The following SNTG1 variants were observed in gnomAD, a reference collection of about 807,000 sequenced individuals.
SNTG1 encodes syntrophin gamma 1.
SNTG1 carries 39 observed loss-of-function variants against 74.7 expected under a neutral mutation model. The ratio of observed to expected loss-of-function variants is 0.52; its 90% CI spans 0.40 to 0.68. The LOEUF (loss-of-function observed/expected upper bound fraction) is 0.68. SNTG1 is among the 30% of genes least tolerant of loss of function. SNTG1 has a pLI of 0.00. For missense variants in SNTG1, 685 were observed against 609.5 expected, an observed-to-expected ratio of 1.12 and a Z score of -1.30; for synonymous variants, 254 against 217.1, an observed-to-expected ratio of 1.17 and a Z score of -1.49.
chr8:50,375,316 G>A (rs2092355890), intron 2 of SNTG1, among the ~76,000 whole-genome samples: 1 of 152,028 alleles, frequency 6.6e-6, no homozygotes, highest in African/African-American at 2.4e-5. Context: ...GGTGTGCTGG[G>A]GCAATGGGAC....
chr8:50,728,858 C>T (rs2095506218), intron 17 of SNTG1, among the ~76,000 whole-genome samples: 1 of 152,154 alleles, frequency 6.6e-6, no homozygotes, highest in African/African-American at 2.4e-5. Context: ...GTCCATGAAT[C>T]ACCCATATTC....
At chr8:50,418,643 A>G (rs775630237) in intron 4 of SNTG1, among the ~76,000 whole-genome samples, 2 of 152,144 alleles carry the variant, frequency 1.3e-5, no homozygotes, top group Non-Finnish European at 2.9e-5. Context: ...TTGGAGGTCC[A>G]GTAGGCATTT....
intron 1 of SNTG1, among the ~76,000 whole-genome samples, chr8:50,052,793 A>G (rs768065624): frequency 8.5e-5 from 13 of 152,150 alleles, no homozygotes; most frequent in Non-Finnish European, 1.5e-4. Flanking sequence ...ACACATATGC[A>G]CCATATGCAA....
chr8:50,322,064 CTTATTAACATCTTT>C (rs1380083231), intron 2 of SNTG1, among the ~76,000 whole-genome samples: 1 of 151,776 alleles, frequency 6.6e-6, no homozygotes, highest in Non-Finnish European at 1.5e-5. Flanking sequence ...TTTTTTATTG[CTTATTAACATCTTT>C]TTTTTCAGAT....
At chr8:50,067,726 C>T (rs1020959600) in intron 1 of SNTG1, among the ~76,000 whole-genome samples, 2 of 152,100 alleles carry the variant, frequency 1.3e-5, no homozygotes, top group Admixed American at 1.3e-4. Context: ...GTTGCCTTGG[C>T]TGATGTCTTC....
intron 2 of SNTG1, among the ~76,000 whole-genome samples, chr8:50,326,814 A>G (rs2090768430): frequency 6.6e-6 from 1 of 151,954 alleles, no homozygotes; most frequent in African/African-American, 2.4e-5. Context: ...TTGTTCTGCA[A>G]ATGCAGTATA....
chr8:50,660,251 A>G (rs1036003325), intron 15 of SNTG1, among the ~76,000 whole-genome samples: 4 of 144,518 alleles, frequency 2.8e-5, no homozygotes, highest in African/African-American at 1.0e-4. Flanking sequence ...GGAAGGAAAG[A>G]AGGAGGGAAG....
chr8:50,133,524 T>C (rs746653226), intron 1 of SNTG1, among the ~76,000 whole-genome samples: 1 of 152,192 alleles, frequency 6.6e-6, no homozygotes, highest in Non-Finnish European at 1.5e-5. Flanking sequence ...GAGACATTTA[T>C]TTTCTCAAAG....
At chr8:50,077,022 A>C (rs1821955037) in intron 1 of SNTG1, among the ~76,000 whole-genome samples, 1 of 152,184 alleles carries the variant, frequency 6.6e-6, no homozygotes, top group Non-Finnish European at 1.5e-5. Context: ...GCAAAGAAAC[A>C]TCAAAATTAG....
intron 4 of SNTG1, among the ~76,000 whole-genome samples, chr8:50,432,576 T>G (rs2093250209): frequency 6.6e-6 from 1 of 152,116 alleles, no homozygotes; most frequent in African/African-American, 2.4e-5. Context: ...TTATTGGAAT[T>G]GCATAGATTT....
intron 12 of SNTG1, among the ~76,000 whole-genome samples, chr8:50,553,867 C>T (rs940197868): frequency 3.9e-5 from 6 of 152,130 alleles, no homozygotes; most frequent in African/African-American, 1.4e-4. Flanking sequence ...ATCTAGGTAT[C>T]ATTAATGATA....
At chr8:50,491,778 G>T (rs1017620782) in intron 8 of SNTG1, among the ~76,000 whole-genome samples, 3 of 151,924 alleles carry the variant, frequency 2.0e-5, no homozygotes, top group Non-Finnish European at 4.4e-5. Context: ...GTGCAGGTTT[G>T]TTACATAGGT....
In SNTG1 at chr8:50,214,056, G is replaced by A. The variant is rs192683624; in HGVS notation, c.-28+41421G>A. 1.7e-3 allele frequency among the ~76,000 whole-genome samples: 259 copies of A among 151,952 alleles called. 1 individual carries two copies. Among genetic ancestry groups the A allele is most frequent in the East Asian group, 8.3e-3 (43 of 5,154 alleles). ...TAGGTTTTCTTCTAGGGTTTTTATG[G>A]TTTAAGGTCTAATTTGCAGCCATAA... is the stretch of plus-strand genomic sequence containing the variant. On this transcript the variant is annotated intron_variant, in intron 2 of 18. Coordinates refer to ENST00000642720, the MANE Select transcript of SNTG1 (RefSeq NM_018967.5).
chr8:49,961,181 TA>T (rs1228975124), intron 1 of SNTG1, among the ~76,000 whole-genome samples: 8 of 152,200 alleles, frequency 5.3e-5, no homozygotes, highest in Non-Finnish European at 1.0e-4. Context: ...GGACTATTTT[TA>T]TCCCCCCTCA....
intron 1 of SNTG1, among the ~76,000 whole-genome samples, chr8:50,134,874 GATA>G: frequency 6.6e-6 from 1 of 152,208 alleles, no homozygotes; most frequent in South Asian, 2.1e-4. Context: ...CAGCTTTGAT[GATA>G]TTCTTCCAGT....
intron 15 of SNTG1, among the ~76,000 whole-genome samples, chr8:50,685,186 T>G (rs2095347350): frequency 6.6e-6 from 1 of 152,126 alleles, no homozygotes; most frequent in Non-Finnish European, 1.5e-5. Context: ...GGTCAATGTA[T>G]TCTCTGCTTA....
At chr8:50,385,596 G>A (rs779531596) in intron 2 of SNTG1, among the ~76,000 whole-genome samples, 1 of 152,152 alleles carries the variant, frequency 6.6e-6, no homozygotes, top group Non-Finnish European at 1.5e-5. Flanking sequence ...TTGTGGAAAG[G>A]GGAAGTGATT....
At chr8:49,952,583 G>A (rs539381716) in intron 1 of SNTG1, among the ~76,000 whole-genome samples, 41 of 152,334 alleles carry the variant, frequency 2.7e-4, no homozygotes, top group South Asian at 2.3e-3. Flanking sequence ...AAGGAGGTAC[G>A]TGGTAATCCA....
intron 4 of SNTG1, among the ~76,000 whole-genome samples, chr8:50,432,555 T>G (rs1239906492): frequency 6.6e-6 from 1 of 152,148 alleles, no homozygotes; most frequent in Non-Finnish European, 1.5e-5. Context: ...ACAAATAGCT[T>G]GCTGGGATTT....
Sources: allele counts gnomAD v4.1 joint callset (sites outside exome capture counted in the v4.1 genomes callset), GRCh38; gene constraint gnomAD v4.1.1; transcripts MANE v1.5; gene names NCBI Gene and HGNC (gene_info 2026-07-23, HGNC 2026-07-21).